Variants in ASTN2 observed in about 807,000 individuals in gnomAD.
ASTN2 encodes the protein astrotactin-2.
In ASTN2, 54 loss-of-function variants were observed where a neutral mutation model predicts 139.8. The ratio of observed to expected loss-of-function variants is 0.39; its 90% confidence interval spans 0.31 to 0.48. The LOEUF is 0.48. Ranked by LOEUF, ASTN2 falls within the 20% of genes least tolerant of loss-of-function variation. ASTN2 has a pLI of 0.95. For missense variants in ASTN2, 1,565 were observed against 1,725.1 expected, an observed-to-expected ratio of 0.91 and a Z score of 1.64; for synonymous variants, 756 against 719.5, an observed-to-expected ratio of 1.05 and a Z score of -0.81.
chr9:117,327,102 A>G (rs780570182), intron 1 of ASTN2, among the ~76,000 whole-genome samples: 2 of 152,128 alleles, frequency 1.3e-5, no homozygotes, highest in Non-Finnish European at 2.9e-5. Flanking sequence ...AGAACCCTCA[A>G]GTATGCAGTT....
At chr9:116,594,553 T>G (rs1376676398) in intron 19 of ASTN2, among the ~76,000 whole-genome samples, 1 of 152,024 alleles carries the variant, frequency 6.6e-6, no homozygotes, top group Non-Finnish European at 1.5e-5. Flanking sequence ...ATCAGAAGAG[T>G]CCAGTCTCAC....
rs146556453 is a variant in ASTN2 at position 117,214,585 on chromosome 9, T to C, written c.788A>G (p.Gln263Arg). The change falls in exon 3 of 23, where the codon CAG becomes CGG. Residue 263 changes from glutamine to arginine, a missense_variant. Around this residue, in one of 4 missense-constraint regions of ASTN2, gnomAD observed 596 missense variants for 576.8 expected, o/e 1.03. Transcript: ENST00000313400. ...HYIPSVLLGP[Q>R]ARESFRSSRL... ...GGATGAACGGAAGCTCTCCCGCGCC[T>C]GGGGACCCAGCAGCACAGATGGGAT... The C allele has an allele frequency of 3.7e-5, 60 of 1,608,346 alleles. No homozygotes were observed. Among genetic ancestry groups the C allele is most frequent in the Non-Finnish European group, 4.8e-5 (57 of 1,175,314 alleles).
At chr9:116,776,564 C>A (rs1830093680) in intron 13 of ASTN2, among the ~76,000 whole-genome samples, 1 of 152,080 alleles carries the variant, frequency 6.6e-6, no homozygotes, top group Non-Finnish European at 1.5e-5. Context: ...TTCTGTGATT[C>A]TATATGTAAA....
chr9:117,229,563 T>C (rs1832825202), intron 2 of ASTN2, among the ~76,000 whole-genome samples: 1 of 152,208 alleles, frequency 6.6e-6, no homozygotes, highest in Admixed American at 6.5e-5. Flanking sequence ...GAAGCACTCA[T>C]TGAGCCTGAG....
At chr9:117,169,775 T>G (rs537782361) in intron 3 of ASTN2, among the ~76,000 whole-genome samples, 34 of 152,076 alleles carry the variant, frequency 2.2e-4, no homozygotes, top group Non-Finnish European at 4.0e-4. Context: ...AAGGTTTCCA[T>G]GATGAATTAG....
chr9:117,016,623 T>TATATAAC (rs1491376132), intron 6 of ASTN2, among the ~76,000 whole-genome samples: 1 of 4,882 alleles, frequency 2.0e-4, no homozygotes, highest in African/African-American at 3.8e-4. Context: ...TATCTATCTA[T>TATATAAC]CTATATATAT....
chr9:116,504,201 G>A (rs933014181), intron 19 of ASTN2: 21 of 152,120 alleles, frequency 1.4e-4, no homozygotes, highest in African/African-American at 1.9e-4. Context: ...ATTCTGATTT[G>A]TTAGAACAAG....
intron 6 of ASTN2, among the ~76,000 whole-genome samples, chr9:117,028,294 G>A (rs112869337): frequency 2.6e-5 from 4 of 152,172 alleles, no homozygotes. Context: ...GGTTCAGAAA[G>A]TTGCCAAGAG....
chr9:117,230,307 A>G (rs933968629), intron 2 of ASTN2, among the ~76,000 whole-genome samples: 1 of 152,106 alleles, frequency 6.6e-6, no homozygotes, highest in Non-Finnish European at 1.5e-5. Context: ...CAAAGGCTCT[A>G]CAGGAGACTC....
chr9:117,396,756 G>A (rs535869884), intron 1 of ASTN2, among the ~76,000 whole-genome samples: 16 of 151,982 alleles, frequency 1.1e-4, no homozygotes, highest in Non-Finnish European at 2.1e-4. Flanking sequence ...AGTAGAAACA[G>A]AGTTTCCCCA....
At chr9:116,491,772 A>G (rs1481062717) in intron 19 of ASTN2, among the ~76,000 whole-genome samples, 5 of 152,230 alleles carry the variant, frequency 3.3e-5, no homozygotes, top group Non-Finnish European at 7.3e-5. Flanking sequence ...AATTCAACAC[A>G]TGTATTTTAG....
intron 13 of ASTN2, among the ~76,000 whole-genome samples, chr9:116,801,495 C>T (rs1293998243): frequency 5.7e-5 from 8 of 141,414 alleles, no homozygotes; most frequent in South Asian, 4.7e-4. Context: ...AGGAGAATCG[C>T]GTGAACCTGG....
At chr9:116,762,828 A>G (rs1490384143) in intron 13 of ASTN2, among the ~76,000 whole-genome samples, 1 of 152,214 alleles carries the variant, frequency 6.6e-6, no homozygotes, top group Non-Finnish European at 1.5e-5. Context: ...GGAAAGCTCA[A>G]AATATTTACT....
chr9:117,048,980 T>TTTTTTTTTTTTA (rs1838833350), intron 5 of ASTN2, among the ~76,000 whole-genome samples: 7 of 147,464 alleles, frequency 4.7e-5, no homozygotes, highest in African/African-American at 7.5e-5. Context: ...TTTTTTTTTT[T>TTTTTTTTTTTTA]GAGACGGAGT....
intron 1 of ASTN2, among the ~76,000 whole-genome samples, chr9:117,396,993 G>A (rs769407966): frequency 8.9e-5 from 13 of 145,676 alleles, no homozygotes; most frequent in Non-Finnish European, 1.8e-4. Flanking sequence ...CCAGGCTAGA[G>A]TGTAGCGGCC....
intron 20 of ASTN2, among the ~76,000 whole-genome samples, chr9:116,485,971 T>C (rs1009735810): frequency 1.1e-4 from 17 of 152,142 alleles, no homozygotes; most frequent in Admixed American, 8.5e-4. Context: ...GGTTCACAGA[T>C]TGTGGAAGGA....
chr9:116,645,936 A>T (rs1171539961), intron 17 of ASTN2, among the ~76,000 whole-genome samples: 2 of 152,332 alleles, frequency 1.3e-5, no homozygotes. Context: ...AAAAGAAAAG[A>T]GCCATTTTAA....
At chr9:117,275,564 C>CTT (rs57767279) in intron 2 of ASTN2, among the ~76,000 whole-genome samples, 4,070 of 119,138 alleles carry the variant, frequency 0.034, 179 homozygotes, top group Admixed American at 0.079. Context: ...ATCTCTCCCT[C>CTT]TTTTTTTTTT....
chr9:116,629,112 C>CTTT (rs57200909), intron 17 of ASTN2, among the ~76,000 whole-genome samples: 138 of 100,458 alleles, frequency 1.4e-3, no homozygotes, highest in Non-Finnish European at 1.9e-3. Flanking sequence ...TCCAGTAACT[C>CTTT]TTTTTTTTTT....
Sources: allele counts gnomAD v4.1 joint callset (sites outside exome capture counted in the v4.1 genomes callset), GRCh38; gene constraint gnomAD v4.1.1; regional missense constraint gnomAD v4.1.1; transcripts MANE v1.5; gene names NCBI Gene and HGNC (gene_info 2026-07-23, HGNC 2026-07-21).